Variants in HNF4A observed in about 807,000 individuals in gnomAD.
HNF4A encodes hepatocyte nuclear factor 4 alpha.
HNF4A carries 15 observed loss-of-function variants against 52.4 expected under a neutral mutation model. The ratio of observed to expected loss-of-function variants is 0.29; its 90% CI spans 0.19 to 0.44. HNF4A has a LOEUF of 0.44. HNF4A is among the 20% of genes least tolerant of loss of function. The pLI is 1.00. For synonymous variants in HNF4A, 280 were observed against 264.4 expected, an observed-to-expected ratio of 1.06 and a Z score of -0.57; for missense variants, 479 against 647.2, an observed-to-expected ratio of 0.74 and a Z score of 2.82.
intron 9 of HNF4A, 59 bp downstream of exon 9, chr20:44,428,546 G>T: frequency 6.5e-7 from 1 of 1,538,640 alleles, no homozygotes; most frequent in Middle Eastern, 1.7e-4. Flanking sequence ...AAGACAGGAG[G>T]CAGGAGAAAG....
chr20:44,388,381 A>ACCCCCCCCCCCCCCCCCCCCC (rs1227407354), intron 1 of HNF4A, among the ~76,000 whole-genome samples: 2 of 76,216 alleles, frequency 2.6e-5, no homozygotes, highest in African/African-American at 9.5e-5. Flanking sequence ...GACCCCCCCC[A>ACCCCCCCCCCCCCCCCCCCCC]CCCCCGTACA....
rs2063839277 is a variant in HNF4A, at chr20:44,428,481, C to G, written c.1276C>G (p.Gln426Glu). 6.2e-7 allele frequency: 1 copy of G among 1,613,972 alleles called. No individual in the cohort carries two copies. The highest frequency in any genetic ancestry group is 1.1e-5 in the South Asian group (1 of 91,056). The change falls in exon 9 of 10, where the codon CAG (glutamine) becomes GAG (glutamate). Residue 426 changes from glutamine to glutamate, a missense_variant. By Grantham distance (29) the Gln-to-Glu change is conservative (BLOSUM62 2). Coordinates refer to ENST00000316099, the MANE Select transcript of HNF4A (RefSeq NM_000457.6). ...GTGTGAGTGGCCCCGACCCAGGGGA[C>G]AGGCAGGTGGGCAAACTCTGGGATT...
chr20:44,390,391 T>C lies in HNF4A; in HGVS notation c.50-15667T>C, dbSNP rs890842044. The C allele has an allele frequency of 4.8e-5, 24 of 504,876 alleles. No homozygotes were observed. In the South Asian group the frequency reaches 6.0e-4, roughly 13 times the overall value. 31.3% of individuals were successfully genotyped at this position (504,876 alleles called of 1,614,324 possible). A position where few individuals can be genotyped will look rare whatever the true frequency, so the allele number is the denominator to read the frequency against. ...AGACCACTGTGTCTCCCATTCCTAT[T>C]GGGGTTGGCTCTCTAGGAGCCCCTT... On this transcript the variant is annotated intron_variant, in intron 1 of 9. Transcript: ENST00000316673.
At chr20:44,386,876 C>A (rs1218277113) in intron 1 of HNF4A, among the ~76,000 whole-genome samples, 3 of 152,224 alleles carry the variant, frequency 2.0e-5, no homozygotes. Flanking sequence ...TCCAAAATTT[C>A]TACTATATGC....
rs1026278434 is a variant in HNF4A, at chr20:44,401,502, A to T, written c.115+15A>T. 1.9e-6 allele frequency: 3 copies of T among 1,613,958 alleles called. No homozygotes were observed. The African/African-American group carries it at 4.0e-5, about 22-fold the overall frequency. Reference sequence around the variant, plus strand: ...GATGGGCAATGGTAGGTGGGGGCAGATGTGCCCAGGTGTGCCAGTGGGGGC... The same window carrying T: ...GATGGGCAATGGTAGGTGGGGGCAGTTGTGCCCAGGTGTGCCAGTGGGGGC... On this transcript the variant is annotated intron_variant, in intron 1 of 9. Transcript: ENST00000316099.
At chr20:44,402,304 A>AT (rs1186805723) in intron 1 of HNF4A, among the ~76,000 whole-genome samples, 1 of 152,104 alleles carries the variant, frequency 6.6e-6, no homozygotes, top group East Asian at 1.9e-4. Flanking sequence ...TGTGCGGGTC[A>AT]TAGAGCACAT....
chr20:44,423,593 G>A (rs1340403587), intron 7 of HNF4A, among the ~76,000 whole-genome samples: 1 of 152,222 alleles, frequency 6.6e-6, no homozygotes, highest in Non-Finnish European at 1.5e-5. Flanking sequence ...CAACTGCTGA[G>A]GTCTGGATGA....
intron 8 of HNF4A, chr20:44,424,644 G>A: frequency 7.3e-7 from 1 of 1,365,490 alleles, no homozygotes; most frequent in Non-Finnish European, 9.5e-7. Flanking sequence ...ATATGATAGA[G>A]TTTAACTGAA....
rs1246330339 is a variant in HNF4A at position 44,373,449 on chromosome 20, C to T, written c.49+17596C>T. Among the ~76,000 whole-genome samples the T allele has an allele frequency of 2.0e-5, 3 of 152,276 alleles. No individual in the cohort carries two copies. The East Asian group carries it at 5.8e-4, about 29-fold the overall frequency. ...TCAGCCTCCCAAAGCACTGGGATTA[C>T]AGGTGTTAGCCACCACACCCAGCCT... On this transcript the variant is annotated intron_variant, in intron 1 of 9. Coordinates refer to the HNF4A transcript ENST00000316673.
chr20:44,406,402 T>C (rs185163148), intron 2 of HNF4A, among the ~76,000 whole-genome samples, 170 bp downstream of exon 2: 157 of 152,334 alleles, frequency 1.0e-3, no homozygotes, highest in Admixed American at 2.1e-3. Context: ...GCATCTATTC[T>C]AGGAACCACA....
intron 1 of HNF4A, among the ~76,000 whole-genome samples, chr20:44,389,345 G>A (rs2063274023): frequency 1.3e-5 from 2 of 152,280 alleles, no homozygotes; most frequent in South Asian, 4.1e-4. Flanking sequence ...GTGTAGGGTT[G>A]CCCGACACAA....
intron 1 of HNF4A, among the ~76,000 whole-genome samples, chr20:44,374,105 T>G (rs779061230): frequency 1.3e-5 from 2 of 152,210 alleles, no homozygotes; most frequent in African/African-American, 2.4e-5. Flanking sequence ...GTAGTGAGCA[T>G]AGTACCCAAC....
At chr20:44,356,210 C>T (rs1396650969) in intron 1 of HNF4A, among the ~76,000 whole-genome samples, 1 of 152,214 alleles carries the variant, frequency 6.6e-6, no homozygotes, top group East Asian at 1.9e-4. Context: ...TTGAGGTCCA[C>T]CAGGAGAGGC....
rs1422017812 is a variant in HNF4A, at chr20:44,407,485, GGCCCTCCCC to G, written c.385+15_385+23del. 2 of 1,564,758 alleles carry G rather than the reference GGCCCTCCCC, an allele frequency of 1.3e-6. No homozygotes were observed. Among genetic ancestry groups the G allele is most frequent in the Non-Finnish European group, 1.7e-6 (2 of 1,149,846 alleles). ...GGCATGAAGAAGGAAGGTGAGCCTC[GGCCCTCCCC>G]GCCCCACCACCACTGCCCCACCTGC... On this transcript the variant is annotated intron_variant, in intron 3 of 9. Coordinates refer to ENST00000316099, the MANE Select transcript of HNF4A (RefSeq NM_000457.6).
At chr20:44,377,714 GAAATAACAA>G (rs2063101216) in intron 1 of HNF4A, 1 of 152,126 alleles carries the variant, frequency 6.6e-6, no homozygotes, top group Non-Finnish European at 1.5e-5. Flanking sequence ...AAACAAAGTT[GAAATAACAA>G]AAAATAAAAT....
chr20:44,379,918 G>A (rs6031570), intron 1 of HNF4A, among the ~76,000 whole-genome samples: 1,785 of 152,198 alleles, frequency 0.012, 34 homozygotes, highest in African/African-American at 0.04. Context: ...ATTTTTAGTA[G>A]AGATGGGGTT....
At chr20:44,407,736 C>T (rs528675564) in intron 3 of HNF4A, among the ~76,000 whole-genome samples, 25 of 150,968 alleles carry the variant, frequency 1.7e-4, no homozygotes, top group Admixed American at 7.9e-4. Flanking sequence ...TGCCTGTCTG[C>T]GCCACCACAA....
At chr20:44,370,387 T>C (rs980411741) in intron 1 of HNF4A, among the ~76,000 whole-genome samples, 2 of 152,216 alleles carry the variant, frequency 1.3e-5, no homozygotes, top group Admixed American at 1.3e-4. Context: ...TGGGCCTTTG[T>C]ACTTGCTGTT....
At chr20:44,393,227 A>T (rs1457217741) in intron 1 of HNF4A, among the ~76,000 whole-genome samples, 1 of 152,220 alleles carries the variant, frequency 6.6e-6, no homozygotes, top group Non-Finnish European at 1.5e-5. Context: ...ATTCAGGAAC[A>T]TAAACAGGAG....
Sources: allele counts gnomAD v4.1 joint callset (sites outside exome capture counted in the v4.1 genomes callset), GRCh38; gene constraint gnomAD v4.1.1; transcripts MANE v1.5; gene names NCBI Gene and HGNC (gene_info 2026-07-23, HGNC 2026-07-21).